Variants in PLS1 observed in about 807,000 individuals in gnomAD.
PLS1 encodes plastin-1.
Under a neutral mutation model 73.7 loss-of-function variants are expected in PLS1, and 32 were observed. The ratio of observed to expected loss-of-function variants is 0.43; its 90% CI spans 0.33 to 0.58. The LOEUF (loss-of-function observed/expected upper bound fraction) is 0.58. Among genes scored for constraint, PLS1 ranks in the 20% least tolerant of loss-of-function variants. The pLI is 0.04. For missense variants in PLS1, 633 were observed against 740.5 expected, an observed-to-expected ratio of 0.85 and a Z score of 1.68; for synonymous variants, 217 against 261.3, an observed-to-expected ratio of 0.83 and a Z score of 1.63.
chr3:142,611,346 G>C (rs563662694), intron 1 of PLS1, among the ~76,000 whole-genome samples: 1 of 152,276 alleles, frequency 6.6e-6, no homozygotes, highest in African/African-American at 2.4e-5. Context: ...AATTGGTCAA[G>C]CATGGTGGCT....
chr3:142,703,776 T>C lies in PLS1; in HGVS notation c.1372-92T>C. 3 of 728,782 alleles carry C rather than the reference T, an allele frequency of 4.1e-6. 1 individual carries two copies. The highest frequency in any genetic ancestry group is 6.4e-4 in the Middle Eastern group (2 of 3,128). 45.1% of individuals were successfully genotyped at this position (728,782 alleles called of 1,614,324 possible). A position where few individuals can be genotyped will look rare whatever the true frequency, so the allele number is the denominator to read the frequency against. On this transcript the variant is annotated intron_variant, in intron 12 of 15. Coordinates refer to ENST00000457734, the MANE Select transcript of PLS1 (RefSeq NM_001145319.2). The stretch of plus-strand genomic sequence containing the variant: ...GTCATATAAATTTAAGGTGTCATCA[T>C]AATTGTTTTTCAGATGGCTGAACTA...
chr3:142,676,690 T>G (rs1358948087), intron 5 of PLS1, among the ~76,000 whole-genome samples: 3 of 152,216 alleles, frequency 2.0e-5, no homozygotes, highest in Non-Finnish European at 2.9e-5. Flanking sequence ...AAATAATGTT[T>G]TGATTCAGCC....
At chr3:142,683,909 C>T in intron 6 of PLS1, 97 bp from the exon 7 acceptor site, 8 of 753,580 alleles carry the variant, frequency 1.1e-5, no homozygotes, top group Admixed American at 2.9e-5. Flanking sequence ...GTTTATAAAT[C>T]TGAAATTTGG....
In PLS1 at chr3:142,602,522, G is replaced by C. The variant is rs1349359451; in HGVS notation, c.-37+6013G>C. ...CCAATTTTTAAGATTGGGGAGTTGTGAAGTCCCTGTGGACTAATTGGAGGT... is the reference window on the plus strand; with the variant it reads ...CCAATTTTTAAGATTGGGGAGTTGTCAAGTCCCTGTGGACTAATTGGAGGT... On this transcript the variant is annotated intron_variant, in intron 1 of 15. Coordinates refer to ENST00000457734, the MANE Select transcript of PLS1 (RefSeq NM_001145319.2). Among the ~76,000 whole-genome samples, 4 of 152,234 alleles carry C rather than the reference G, an allele frequency of 2.6e-5. No individual in the cohort carries two copies. The South Asian group carries it at 6.2e-4, about 24-fold the overall frequency.
chr3:142,681,317 T>A (rs1035650556), intron 6 of PLS1, among the ~76,000 whole-genome samples: 2 of 152,162 alleles, frequency 1.3e-5, no homozygotes, highest in South Asian at 4.1e-4. Flanking sequence ...AAGATAGATG[T>A]TAATATTTTC....
chr3:142,662,306 C>T lies in PLS1; in HGVS notation c.-36-1896C>T, dbSNP rs1192186368. ...GAAACCATCATTCTCAGCAAACTAA[C>T]ACAAGAACGGAAAACCATTCTCACT... On this transcript the variant is annotated intron_variant, in intron 1 of 15. Coordinates refer to ENST00000457734, the MANE Select transcript of PLS1 (RefSeq NM_001145319.2). Among the ~76,000 whole-genome samples the T allele has an allele frequency of 2.0e-5, 3 of 152,122 alleles. No individual in the cohort carries two copies. In the East Asian group the frequency reaches 5.8e-4, roughly 29 times the overall value.
intron 1 of PLS1, among the ~76,000 whole-genome samples, chr3:142,606,217 T>A (rs1479396402): frequency 1.3e-5 from 2 of 152,260 alleles, no homozygotes; most frequent in Non-Finnish European, 2.9e-5. Flanking sequence ...GACCTTGTGA[T>A]GTGCATGTTG....
At chr3:142,640,318 T>A (rs2036803449) in intron 1 of PLS1, among the ~76,000 whole-genome samples, 1 of 152,184 alleles carries the variant, frequency 6.6e-6, no homozygotes, top group Non-Finnish European at 1.5e-5. Context: ...ATACAACAAA[T>A]TTTTATCAAG....
chr3:142,655,883 T>C (rs1202462724), intron 1 of PLS1, among the ~76,000 whole-genome samples: 1 of 152,200 alleles, frequency 6.6e-6, no homozygotes, highest in Non-Finnish European at 1.5e-5. Context: ...AATTATTTTA[T>C]GTGTTTGAAA....
At chr3:142,654,784 G>A (rs1007803956) in intron 1 of PLS1, 1 of 152,226 alleles carries the variant, frequency 6.6e-6, no homozygotes, top group Non-Finnish European at 1.5e-5. Flanking sequence ...GCAAACAAGT[G>A]CTCAATAAGT....
rs58039666 is a variant in PLS1, at chr3:142,672,339, C to CTT, written c.364+1237_364+1238dup. ...CTTGTAGTAAAGTGCATGAAGTGTA[C>CTT]TTTTTTTTTTTTTTTTTTTTTGAGA... On this transcript the variant is annotated intron_variant, in intron 4 of 15. Transcript: ENST00000457734. Among the ~76,000 whole-genome samples, 87 of 118,390 alleles carry CTT rather than the reference C, an allele frequency of 7.3e-4. 1 individual carries two copies. In the Middle Eastern group the frequency reaches 0.013, roughly 17 times the overall value. The allele number at this position is 118,390 out of a possible 152,430, so 77.7% of individuals were successfully genotyped here. A position where few individuals can be genotyped will look rare whatever the true frequency, so the allele number is the denominator to read the frequency against.
intron 14 of PLS1, among the ~76,000 whole-genome samples, chr3:142,710,012 G>A (rs1170439312): frequency 2.0e-5 from 3 of 152,014 alleles, no homozygotes; most frequent in African/African-American, 7.3e-5. Flanking sequence ...CTACTTTAGA[G>A]ATTAGGAAAG....
At chr3:142,704,361 G>A in intron 13 of PLS1, 102 bp from the exon 14 acceptor site, 1 of 907,076 alleles carries the variant, frequency 1.1e-6, no homozygotes, top group Non-Finnish European at 1.7e-6. Context: ...ATATTTATTA[G>A]AACTGAACTA....
chr3:142,690,116 TA>T (rs1048710556), intron 10 of PLS1, among the ~76,000 whole-genome samples: 17 of 152,202 alleles, frequency 1.1e-4, no homozygotes, highest in African/African-American at 4.1e-4. Flanking sequence ...TCTATTAGAA[TA>T]AAATAATTAT....
intron 1 of PLS1, among the ~76,000 whole-genome samples, chr3:142,637,874 A>G (rs562457269): frequency 1.4e-5 from 2 of 146,274 alleles, no homozygotes; most frequent in Non-Finnish European, 3.0e-5. Context: ...CTCTCTCTCT[A>G]TATATATATG....
chr3:142,679,566 C>A (rs578234238), intron 6 of PLS1, among the ~76,000 whole-genome samples: 1 of 152,258 alleles, frequency 6.6e-6, no homozygotes, highest in African/African-American at 2.4e-5. Flanking sequence ...TCCAGTTTGT[C>A]AAAGATCAGA....
intron 1 of PLS1, among the ~76,000 whole-genome samples, chr3:142,640,828 A>G (rs1236582763): frequency 1.3e-5 from 2 of 152,076 alleles, no homozygotes; most frequent in African/African-American, 4.8e-5. Context: ...TTCATTTCTC[A>G]AAAATTCTTT....
In PLS1 at chr3:142,713,077, A is replaced by G. The variant is rs1933209754; in HGVS notation, c.*1070A>G. 6.6e-6 allele frequency: 1 copy of G among 152,484 alleles called. No individual in the cohort carries two copies. The highest frequency in any genetic ancestry group is 1.5e-5 in the Non-Finnish European group (1 of 68,010). 9.4% of individuals were successfully genotyped at this position (152,484 alleles called of 1,614,324 possible). ...CTTTAATAGAAAGTAACATAAAGCT[A>G]GTATTCAATGTAGAGTATTTTCATA... On this transcript the variant is annotated 3_prime_UTR_variant, in exon 16 of 16. Coordinates refer to ENST00000457734, the MANE Select transcript of PLS1 (RefSeq NM_001145319.2).
In PLS1 at chr3:142,664,848, GA is replaced by G. The variant is rs147135863; in HGVS notation, c.70+542del. On this transcript the variant is annotated intron_variant, in intron 2 of 15. Coordinates refer to ENST00000457734, the MANE Select transcript of PLS1 (RefSeq NM_001145319.2). Reference sequence around the variant, plus strand: ...TAGCCATTTAGTGTTTTGTCTTTATGACATTATCATTTTGACAGTTTTGTAT... The same window carrying G: ...TAGCCATTTAGTGTTTTGTCTTTATGCATTATCATTTTGACAGTTTTGTAT... Among the ~76,000 whole-genome samples, 41 of 151,960 alleles carry G rather than the reference GA, an allele frequency of 2.7e-4. No individual in the cohort carries two copies. In the East Asian group the frequency reaches 6.0e-3, roughly 22 times the overall value.
Sources: allele counts gnomAD v4.1 joint callset (sites outside exome capture counted in the v4.1 genomes callset), GRCh38; gene constraint gnomAD v4.1.1; transcripts MANE v1.5; gene names NCBI Gene and HGNC (gene_info 2026-07-23, HGNC 2026-07-21).